The following NOTCH2NLA variants were observed in gnomAD, a reference collection of about 807,000 sequenced individuals.
NOTCH2NLA encodes the protein notch 2 N-terminal like A, also known as notch homolog 2 N-terminal-like protein A.
intron 2 of NOTCH2NLA, among the ~76,000 whole-genome samples, chr1:146,175,059 C>G (rs1170818393): frequency 9.1e-6 from 1 of 109,696 alleles, no homozygotes; most frequent in African/African-American, 3.1e-5. Context: ...TGTAGGTACC[C>G]TAGAGCCTAT....
chr1:146,228,676 G>T (rs1199645102), intron 1 of NOTCH2NLA, 33 bp downstream of exon 1: 1 of 1,494,054 alleles, frequency 6.7e-7, no homozygotes, highest in Non-Finnish European at 8.8e-7. Flanking sequence ...AGCCCCGGGC[G>T]CCGCGGACAG....
In NOTCH2NLA at chr1:146,159,980, A is replaced by T. The variant is rs1289800240; in HGVS notation, c.299-3165T>A. 3.2e-3 allele frequency among the ~76,000 whole-genome samples: 448 copies of T among 138,550 alleles called. 2 individuals are homozygous for T. The highest frequency in any genetic ancestry group is 0.011 in the African/African-American group (431 of 38,594). 90.9% of individuals were successfully genotyped at this position (138,550 alleles called of 152,430 possible). A position where few individuals can be genotyped will look rare whatever the true frequency, so the allele number is the denominator to read the frequency against. On this transcript the variant is annotated intron_variant, in intron 3 of 4. Coordinates refer to ENST00000362074, the Ensembl canonical transcript of NOTCH2NLA. ...ATACTCCATCTCAAAAAAAAAAAAAAAAAAAAAAAAAAAAAGGTGATCAGA... is the reference window on the plus strand; with the variant it reads ...ATACTCCATCTCAAAAAAAAAAAAATAAAAAAAAAAAAAAAGGTGATCAGA...
At chr1:146,182,386 CA>C (rs1662572846) in intron 2 of NOTCH2NLA, among the ~76,000 whole-genome samples, 1 of 137,214 alleles carries the variant, frequency 7.3e-6, no homozygotes, top group Non-Finnish European at 1.7e-5. Context: ...TCTTAGCTTC[CA>C]TATAGTCTCT....
chr1:146,176,824 A>G lies in NOTCH2NLA; in HGVS notation c.39-11814T>C, dbSNP rs377386497. ...TAACCCTGAGCCTGTGTTACTCATT[A>G]GCCCTTATTATGATTATCTGTCAAC... On this transcript the variant is annotated intron_variant, in intron 2 of 4. Coordinates refer to ENST00000362074, the Ensembl canonical transcript of NOTCH2NLA. Among the ~76,000 whole-genome samples the G allele has an allele frequency of 5.7e-4, 42 of 74,154 alleles. No homozygotes were observed. The East Asian group carries it at 0.011, about 19-fold the overall frequency. The allele number at this position is 74,154 out of a possible 152,430, so 48.6% of individuals were successfully genotyped here. A position where few individuals can be genotyped will look rare whatever the true frequency, so the allele number is the denominator to read the frequency against.
At chr1:146,171,230 G>GAC (rs1661961390) in intron 2 of NOTCH2NLA, among the ~76,000 whole-genome samples, 2 of 122,560 alleles carry the variant, frequency 1.6e-5, no homozygotes, top group Non-Finnish European at 3.9e-5. Flanking sequence ...AGGAGATCGA[G>GAC]ACCATCCTGG....
chr1:146,183,201 CT>C (rs1349266736), intron 2 of NOTCH2NLA, among the ~76,000 whole-genome samples: 1 of 104,484 alleles, frequency 9.6e-6, no homozygotes, highest in Admixed American at 1.1e-4. Flanking sequence ...TTTTTTCATA[CT>C]TGGCTTTACT....
chr1:146,158,183 T>C (rs1405197183), intron 3 of NOTCH2NLA, among the ~76,000 whole-genome samples: 1 of 151,776 alleles, frequency 6.6e-6, no homozygotes, highest in Admixed American at 6.6e-5. Flanking sequence ...ATTATTATTA[T>C]ACTTTAAGTT....
exon 1 of NOTCH2NLA, chr1:146,228,902 C>G: frequency 6.8e-7 from 1 of 1,471,230 alleles, no homozygotes; most frequent in Non-Finnish European, 8.9e-7. Flanking sequence ...AAGGCTCAGG[C>G]CCTGGCGCTA....
At chr1:146,158,230 T>C (rs1320733663) in intron 3 of NOTCH2NLA, among the ~76,000 whole-genome samples, 1 of 150,396 alleles carries the variant, frequency 6.6e-6, no homozygotes, top group East Asian at 2.0e-4. Flanking sequence ...GTTTGTTACA[T>C]ATGTATATAT....
rs1168479806 is a variant in NOTCH2NLA at position 146,219,661 on chromosome 1, T to C, written c.-45+9048A>G. On this transcript the variant is annotated intron_variant, in intron 1 of 4. Transcript: ENST00000362074. ...GAAAAAACATTCAATATCACTGTAA[T>C]GAGAGAGGCATATTAAGATTAAGTA... is the stretch of plus-strand genomic sequence containing the variant. 8.0e-5 allele frequency among the ~76,000 whole-genome samples: 8 copies of C among 100,068 alleles called. 1 individual carries two copies. Among genetic ancestry groups the C allele is most frequent in the Non-Finnish European group, 1.9e-5 (1 of 52,818 alleles). 65.6% of individuals were successfully genotyped at this position (100,068 alleles called of 152,430 possible).
intron 2 of NOTCH2NLA, among the ~76,000 whole-genome samples, chr1:146,187,711 A>G (rs1413631178): frequency 2.9e-5 from 4 of 135,956 alleles, no homozygotes; most frequent in Non-Finnish European, 5.1e-5. Context: ...GCATAACAGA[A>G]TAAAGCAAGC....
intron 2 of NOTCH2NLA, among the ~76,000 whole-genome samples, chr1:146,172,846 G>A (rs1662059291): frequency 6.9e-6 from 1 of 144,946 alleles, no homozygotes; most frequent in Non-Finnish European, 1.6e-5. Context: ...CTTGGTGTAG[G>A]TTCCCTGAAT....
chr1:146,159,459 A>AGGG (rs1661377070), intron 3 of NOTCH2NLA, among the ~76,000 whole-genome samples: 3 of 151,138 alleles, frequency 2.0e-5, no homozygotes, highest in Non-Finnish European at 4.4e-5. Flanking sequence ...GAAAGAAAGA[A>AGGG]AGAAAGGAAG....
chr1:146,187,361 T>C (rs2746802), intron 2 of NOTCH2NLA, among the ~76,000 whole-genome samples: 2,771 of 133,446 alleles, frequency 0.021, 179 homozygotes, highest in African/African-American at 0.068. Context: ...GTCCTTATAG[T>C]AGAATGATTT....
intron 2 of NOTCH2NLA, among the ~76,000 whole-genome samples, chr1:146,174,712 A>C (rs1852040): frequency 0.017 from 2,385 of 142,224 alleles, 108 homozygotes; most frequent in Middle Eastern, 0.046. Flanking sequence ...TTCTTCTTGC[A>C]CTGGGCCTCT....
In NOTCH2NLA at chr1:146,189,352, AG is replaced by A; in HGVS notation, c.-16del. ...GTAACACACATTCCTTCATTTACAC[AG>A]GGTTCATAGCCATCTCGACACTGCA... On this transcript the variant is annotated 5_prime_UTR_variant, in exon 2 of 5. The change abolishes the stop of an existing upstream ORF in the 5' untranslated region. Transcript: ENST00000362074. The A allele has an allele frequency of 4.8e-6, 2 of 414,556 alleles. No homozygotes were observed. Among genetic ancestry groups the A allele is most frequent in the East Asian group, 3.4e-5 (1 of 29,062 alleles). The allele number at this position is 414,556 out of a possible 1,614,324, so 25.7% of individuals were successfully genotyped here. A position where few individuals can be genotyped will look rare whatever the true frequency, so the allele number is the denominator to read the frequency against.
At chr1:146,180,792 G>C (rs1662512521) in intron 2 of NOTCH2NLA, among the ~76,000 whole-genome samples, 1 of 132,812 alleles carries the variant, frequency 7.5e-6, no homozygotes, top group East Asian at 2.0e-4. Flanking sequence ...ACATATTTAT[G>C]CTAGCTTAAT....
At chr1:146,157,472 T>A (rs868941315) in intron 3 of NOTCH2NLA, among the ~76,000 whole-genome samples, 10,210 of 130,206 alleles carry the variant, frequency 0.078, 10 homozygotes, top group Middle Eastern at 0.16. Flanking sequence ...AAAAAAAAAA[T>A]CAACTTCCCT....
Position 146,159,393 on chromosome 1 carries a change from G to GAGAAAGAAAGAAAGAA in NOTCH2NLA, c.299-2594_299-2579dup, listed in dbSNP as rs201617510. ...AAAGAGAGAGGAAGAGAGAAAGAGA[G>GAGAAAGAAAGAAAGAA]AGAAAGAAAGAAAGAAAGAAAGAAA... On this transcript the variant is annotated intron_variant, in intron 3 of 4. Transcript: ENST00000362074. 6.2e-3 allele frequency among the ~76,000 whole-genome samples: 689 copies of GAGAAAGAAAGAAAGAA among 111,044 alleles called. 4 individuals carry two copies. The highest frequency in any genetic ancestry group is 7.6e-3 in the East Asian group (28 of 3,664). The allele number at this position is 111,044 out of a possible 152,430, so 72.8% of individuals were successfully genotyped here.
Sources: allele counts gnomAD v4.1 joint callset (sites outside exome capture counted in the v4.1 genomes callset), GRCh38; gene constraint gnomAD v4.1.1; transcripts MANE v1.5; gene names NCBI Gene and HGNC (gene_info 2026-07-23, HGNC 2026-07-21).